The following ZNFX1 variants were observed in gnomAD, a reference collection of about 807,000 sequenced individuals.
ZNFX1 encodes the protein zinc finger NFX1-type containing 1, also known as NFX1-type zinc finger-containing protein 1.
ZNFX1 carries 78 observed loss-of-function variants against 179.8 expected under a neutral mutation model. The observed-to-expected ratio is 0.43, with a 90% CI of 0.36 to 0.52. The LOEUF (loss-of-function observed/expected upper bound fraction) is 0.52, where lower values mean the gene tolerates loss of function less well. ZNFX1 is among the 20% of genes least tolerant of loss of function. The pLI is 0.00. For missense variants in ZNFX1, 1,927 were observed against 2,386.6 expected (o/e 0.81, Z 4.01); for synonymous variants, 848 against 868.5 (o/e 0.98, Z 0.42).
In ZNFX1 at chr20:49,254,581, G is replaced by A. The variant is rs761609125; in HGVS notation, c.2873C>T (p.Thr958Ile). The change falls in exon 10 of 14, where the codon ACA becomes ATA. Residue 958 changes from threonine (T) to isoleucine (I), a missense_variant. Physicochemically the swap from Thr to Ile is moderately conservative, Grantham distance 89. Coordinates refer to ENST00000396105, the MANE Select transcript of ZNFX1 (RefSeq NM_021035.3). ...KILSYERQYR[T>I]SAERMAELRL... ...CAGCTCGGCCATTCTTTCTGCTGAT[G>A]TGCGGTACTGGCGTTCATAGCTGAG... 1.2e-6 allele frequency: 2 copies of A among 1,614,180 alleles called. No individual in the cohort carries two copies. Among genetic ancestry groups the A allele is most frequent in the Admixed American group, 1.7e-5 (1 of 60,024 alleles).
Position 49,271,141 on chromosome 20 carries a change from T to C in ZNFX1, c.671A>G (p.Tyr224Cys). ...GGGTTCAGTGATCATCCCTACCACA[T>C]AAGCAGGCAGGCAGACTTTGAGAAA... is the stretch of plus-strand genomic sequence containing the variant. ...SKFLKVCLPA[Y>C]VVGMITEPIP... The change falls in exon 3 of 14, where the codon TAT becomes TGT. Residue 224 changes from tyrosine (Y) to cysteine (C), a missense_variant. By Grantham distance (194) the Tyr-to-Cys change is radical. Coordinates refer to ENST00000396105, the MANE Select transcript of ZNFX1 (RefSeq NM_021035.3). The C allele has an allele frequency of 6.2e-7, 1 of 1,614,134 alleles. No homozygotes were observed. The highest frequency in any genetic ancestry group is 8.5e-7 in the Non-Finnish European group (1 of 1,180,016).
intron 7 of ZNFX1, among the ~76,000 whole-genome samples, chr20:49,259,417 T>C (rs1057204468): frequency 6.6e-6 from 1 of 152,014 alleles, no homozygotes; most frequent in African/African-American, 2.4e-5. Context: ...CTAGTATATA[T>C]GTTTCCATAA....
At position 49,248,463 on chromosome 20, in the gene ZNFX1, A is replaced by G; in HGVS notation, c.4561T>C (p.Tyr1521His). 6.2e-6 allele frequency: 10 copies of G among 1,611,282 alleles called. No homozygotes were observed. The highest frequency in any genetic ancestry group is 8.5e-6 in the Non-Finnish European group (10 of 1,178,118). ...TCAGAGCAGAGTTTGGTGCACTGGTAGTGCTGGCAGCGCCAGACACAGGGT... is the reference window on the plus strand; with the variant it reads ...TCAGAGCAGAGTTTGGTGCACTGGTGGTGCTGGCAGCGCCAGACACAGGGT... ...VEPCVWRCQHYQCTKLCSEPC... is the reference protein window; with the variant it reads ...VEPCVWRCQHHQCTKLCSEPC... The change falls in exon 14 of 14, where the codon TAC becomes CAC. Residue 1521 changes from tyrosine (Y) to histidine (H), a missense_variant. Physicochemically the swap from Tyr to His is moderately conservative, Grantham distance 83 (BLOSUM62 2). Coordinates refer to ENST00000396105, the MANE Select transcript of ZNFX1 (RefSeq NM_021035.3). This position sits in a 1 kb window ranked among gnomAD's most constrained non-coding sequence, Gnocchi z 4.6.
At chr20:49,263,300 G>A (rs769925835) in intron 6 of ZNFX1, 34 bp downstream of exon 6, 21 of 1,607,934 alleles carry the variant, frequency 1.3e-5, no homozygotes, top group Non-Finnish European at 1.7e-5. Context: ...ACTGAGGCCA[G>A]AGACATATTT....
intron 4 of ZNFX1, among the ~76,000 whole-genome samples, chr20:49,265,479 C>T (rs1253492292): frequency 6.6e-6 from 1 of 152,084 alleles, no homozygotes; most frequent in East Asian, 1.9e-4. Context: ...ATTACCTAGT[C>T]TGGGTGGGGT....
chr20:49,253,494 C>T (rs1980894188), intron 11 of ZNFX1, among the ~76,000 whole-genome samples, 172 bp downstream of exon 11: 1 of 152,128 alleles, frequency 6.6e-6, no homozygotes, highest in South Asian at 2.1e-4. Context: ...CTAAAATATA[C>T]CCCAAATCTA....
At chr20:49,276,901 AGTTT>A (rs760157494) in intron 1 of ZNFX1, among the ~76,000 whole-genome samples, 6 of 152,028 alleles carry the variant, frequency 3.9e-5, no homozygotes, top group African/African-American at 7.3e-5. Flanking sequence ...CAGTATTTAG[AGTTT>A]GTTTGTTTAT....
intron 13 of ZNFX1, among the ~76,000 whole-genome samples, chr20:49,251,001 G>A (rs938735195): frequency 4.6e-5 from 7 of 152,162 alleles, no homozygotes; most frequent in East Asian, 1.9e-4. Context: ...AAGCCACCGC[G>A]CCTGGCCAGA....
intron 4 of ZNFX1, 149 bp from the exon 5 acceptor site, chr20:49,265,013 G>A (rs1332751879): frequency 1.9e-6 from 2 of 1,034,674 alleles, no homozygotes; most frequent in South Asian, 1.5e-5. Flanking sequence ...GAGTGAGAAG[G>A]TCCCCGAGAA....
At chr20:49,258,674 C>T (rs6019711) in intron 7 of ZNFX1, among the ~76,000 whole-genome samples, 122 of 151,144 alleles carry the variant, frequency 8.1e-4, no homozygotes, top group African/African-American at 2.7e-3. Flanking sequence ...AGTGTGGTGG[C>T]GCATGCCTGT....
At chr20:49,254,728 T>A in intron 9 of ZNFX1, 79 bp from the exon 10 acceptor site, 1 of 1,471,330 alleles carries the variant, frequency 6.8e-7, no homozygotes, top group Non-Finnish European at 9.2e-7. Context: ...GTGTGCCCAG[T>A]GTATGAAGTG....
chr20:49,260,914 T>G (rs900508039), intron 6 of ZNFX1, among the ~76,000 whole-genome samples: 1 of 152,042 alleles, frequency 6.6e-6, no homozygotes, highest in Non-Finnish European at 1.5e-5. Context: ...AACCCTGTCT[T>G]TATTAAAACT....
In ZNFX1 at chr20:49,252,689, A is replaced by C. The variant is rs760813035; in HGVS notation, c.3216+31T>G. On this transcript the variant is annotated intron_variant, in intron 12 of 13. Coordinates refer to ENST00000396105, the MANE Select transcript of ZNFX1 (RefSeq NM_021035.3). ...GCTTCCCAGGAGCTTTCTCCTGGGC[A>C]TTTGGTAACAACAGAGGCCCAGCTT... is the stretch of plus-strand genomic sequence containing the variant. 6.4e-6 allele frequency: 10 copies of C among 1,570,908 alleles called. No individual in the cohort carries two copies. The East Asian group carries it at 9.0e-5, about 14-fold the overall frequency.
intron 4 of ZNFX1, among the ~76,000 whole-genome samples, 180 bp from the exon 5 acceptor site, chr20:49,265,044 A>G (rs6063380): frequency 1.3e-5 from 2 of 151,994 alleles, no homozygotes; most frequent in African/African-American, 2.4e-5. Flanking sequence ...GCAGAGCAGT[A>G]AAGTGTAGCA....
Position 49,270,716 on chromosome 20 carries a change from C to T in ZNFX1, c.1096G>A (p.Ala366Thr), listed in dbSNP as rs138176048. Residue 366 changes from alanine (A) to threonine (T), a missense_variant, in exon 3 of 14, where the codon GCT becomes ACT. Physicochemically the swap from Ala to Thr is moderately conservative, Grantham distance 58. Transcript: ENST00000396105. The surrounding 1 kb of genome is among the most constrained non-coding windows in gnomAD (Gnocchi z 4.6). ...CGGAAGTGGGTATCCAGATAGATAG[C>T]AGTGCTGTCGTATTTTCCAGAAATG... ...NIISGKYDST[A>T]IYLDTHFRLL... 9.9e-6 allele frequency: 16 copies of T among 1,614,038 alleles called. No homozygotes were observed. The highest frequency in any genetic ancestry group is 1.0e-5 in the Non-Finnish European group (12 of 1,180,042).
At chr20:49,252,860 C>A in intron 11 of ZNFX1, 30 bp from the exon 12 acceptor site, 2 of 1,552,008 alleles carry the variant, frequency 1.3e-6, no homozygotes, top group Non-Finnish European at 8.9e-7. Flanking sequence ...TGAGGATTCT[C>A]TACTGATAAA....
intron 13 of ZNFX1, among the ~76,000 whole-genome samples, chr20:49,251,231 C>T (rs1333405459): frequency 6.6e-6 from 1 of 152,076 alleles, no homozygotes; most frequent in Admixed American, 6.6e-5. Flanking sequence ...CAACCTCCAC[C>T]TCCTGGGTTC....
At chr20:49,256,386 G>T (rs1181865838) in intron 8 of ZNFX1, among the ~76,000 whole-genome samples, 1 of 152,174 alleles carries the variant, frequency 6.6e-6, no homozygotes, top group Non-Finnish European at 1.5e-5. Flanking sequence ...AGTCATGGGG[G>T]TGGTACTTTC....
chr20:49,269,842 T>C (rs761992674), intron 3 of ZNFX1, 100 bp downstream of exon 3: 16 of 1,399,338 alleles, frequency 1.1e-5, no homozygotes, highest in Non-Finnish European at 1.5e-5. Flanking sequence ...GAAAATAAAA[T>C]AAGTAAATAA....
Sources: gnomAD v4.1 joint callset for allele counts (sites outside exome capture counted in the v4.1 genomes callset) on GRCh38, gnomAD v4.1.1 for gene constraint, Gnocchi (gnomAD v3.1) non-coding constraint, MANE v1.5 for transcripts, NCBI Gene and HGNC (gene_info 2026-07-23, HGNC 2026-07-21) for gene names.